The following RBMS3 variants were observed in gnomAD, a reference collection of about 807,000 sequenced individuals.
RBMS3 encodes the protein RNA-binding motif, single-stranded-interacting protein 3.
RBMS3 carries 27 observed loss-of-function variants against 66.8 expected under a neutral mutation model. The ratio of observed to expected loss-of-function variants is 0.40; its 90% confidence interval spans 0.30 to 0.56. The LOEUF (loss-of-function observed/expected upper bound fraction) is 0.56, where lower values mean the gene tolerates loss of function less well. Ranked by LOEUF, RBMS3 falls within the 20% of genes least tolerant of loss-of-function variation. The probability of loss-of-function intolerance (pLI) is 0.40; values close to 1 mark genes in which losing one functional copy is unlikely to be tolerated. For synonymous variants in RBMS3, 188 were observed against 183.0 expected (o/e 1.03, Z -0.22); for missense variants, 513 against 549.5 (o/e 0.93, Z 0.66).
At chr3:29,746,435 G>C (rs2054894038) in intron 5 of RBMS3, among the ~76,000 whole-genome samples, 1 of 152,188 alleles carries the variant, frequency 6.6e-6, no homozygotes, top group African/African-American at 2.4e-5. Flanking sequence ...GGTTACAACT[G>C]TGTTTTCTGA....
chr3:29,486,912 G>C (rs1480437918), intron 2 of RBMS3, among the ~76,000 whole-genome samples: 2 of 152,024 alleles, frequency 1.3e-5, no homozygotes, highest in East Asian at 3.9e-4. Context: ...AGTTATACCT[G>C]ATCTAATTTT....
At chr3:29,908,262 C>A (rs1053262372) in intron 10 of RBMS3, among the ~76,000 whole-genome samples, 6 of 143,822 alleles carry the variant, frequency 4.2e-5, no homozygotes, top group Non-Finnish European at 5.9e-5. Flanking sequence ...AAAAAAAAAA[C>A]AAACAAACAG....
In RBMS3 at chr3:29,379,721, A is replaced by G. The variant is rs1575662045; in HGVS notation, c.76-55022A>G. 3.3e-5 allele frequency among the ~76,000 whole-genome samples: 5 copies of G among 152,340 alleles called. No homozygotes were observed. In the South Asian group the frequency reaches 1.0e-3, roughly 32 times the overall value. On this transcript the variant is annotated intron_variant, in intron 1 of 14. Transcript: ENST00000383767. ...GTGGGGACACAGCGAAGCTATGTCA[A>G]CCTCATTGACTGAACGTATTTGCTA...
At chr3:29,827,075 G>A (rs1251684020) in intron 6 of RBMS3, among the ~76,000 whole-genome samples, 1 of 152,094 alleles carries the variant, frequency 6.6e-6, no homozygotes, top group Non-Finnish European at 1.5e-5. Flanking sequence ...ATTCCAGCAA[G>A]TTAACTATTG....
At position 30,009,642 on chromosome 3, in the gene RBMS3, T is replaced by G. The variant is rs1038206199; in HGVS notation, c.*5780T>G. On this transcript the variant is annotated 3_prime_UTR_variant, in exon 15 of 15. Coordinates refer to ENST00000383767, the MANE Select transcript of RBMS3 (RefSeq NM_001003793.3). ...AGTATAACGGTAGCTCTTGGTACAG[T>G]CATATTCATATTTTTAAATCTTTCT... The G allele has an allele frequency of 3.3e-5, 5 of 152,148 alleles. No homozygotes were observed. Among genetic ancestry groups the G allele is most frequent in the African/African-American group, 1.2e-4 (5 of 41,434 alleles). 9.4% of individuals were successfully genotyped at this position (152,148 alleles called of 1,614,324 possible). A position where few individuals can be genotyped will look rare whatever the true frequency, so the allele number is the denominator to read the frequency against.
At chr3:29,368,330 C>T (rs1246622267) in intron 1 of RBMS3, among the ~76,000 whole-genome samples, 1 of 152,066 alleles carries the variant, frequency 6.6e-6, no homozygotes, top group Non-Finnish European at 1.5e-5. Flanking sequence ...ATGAAATTGT[C>T]CTTACTGAGA....
intron 10 of RBMS3, among the ~76,000 whole-genome samples, chr3:29,921,581 G>C (rs2060782473): frequency 6.6e-6 from 1 of 152,070 alleles, no homozygotes; most frequent in Non-Finnish European, 1.5e-5. Flanking sequence ...CCAGTGAGTT[G>C]ACAACTGGCC....
chr3:29,357,554 G>GTA (rs2037299278), intron 1 of RBMS3, among the ~76,000 whole-genome samples: 1 of 152,068 alleles, frequency 6.6e-6, no homozygotes, highest in Admixed American at 6.6e-5. Flanking sequence ...ATTCCTTTGG[G>GTA]TATATACCCA....
intron 3 of RBMS3, among the ~76,000 whole-genome samples, chr3:29,518,829 AT>A (rs1473230983): frequency 6.6e-6 from 1 of 151,492 alleles, no homozygotes; most frequent in Non-Finnish European, 1.5e-5. Context: ...CTTATAAAGA[AT>A]TAATTATGAT....
chr3:29,840,325 G>A (rs541066217), intron 6 of RBMS3, among the ~76,000 whole-genome samples: 1 of 151,898 alleles, frequency 6.6e-6, no homozygotes, highest in Non-Finnish European at 1.5e-5. Flanking sequence ...GACAATAAAA[G>A]CATTGAAAAT....
chr3:29,673,408 T>A (rs1413617949), intron 4 of RBMS3, among the ~76,000 whole-genome samples: 9 of 146,600 alleles, frequency 6.1e-5, no homozygotes, highest in Admixed American at 6.1e-4. Flanking sequence ...AGAGCAGAAC[T>A]GAAGGAAATA....
chr3:29,569,532 T>C (rs1482997960), intron 3 of RBMS3, among the ~76,000 whole-genome samples: 1 of 152,150 alleles, frequency 6.6e-6, no homozygotes, highest in African/African-American at 2.4e-5. Flanking sequence ...AGATCTCAAA[T>C]TTTGTCTCAT....
intron 2 of RBMS3, among the ~76,000 whole-genome samples, chr3:29,438,276 C>T (rs1575815044): frequency 6.6e-6 from 1 of 151,804 alleles, no homozygotes; most frequent in Non-Finnish European, 1.5e-5. Flanking sequence ...GTTAATATTC[C>T]TTATAGGAAA....
chr3:29,780,561 G>T (rs2056595163), intron 6 of RBMS3, among the ~76,000 whole-genome samples: 2 of 151,640 alleles, frequency 1.3e-5, no homozygotes, highest in South Asian at 4.1e-4. Flanking sequence ...TGTATCTTTT[G>T]CTTTTTCTCT....
At chr3:29,445,587 TA>T (rs1290692746) in intron 2 of RBMS3, among the ~76,000 whole-genome samples, 1 of 152,062 alleles carries the variant, frequency 6.6e-6, no homozygotes, top group East Asian at 1.9e-4. Context: ...CTTTGACTTT[TA>T]GGGGCACACA....
intron 5 of RBMS3, among the ~76,000 whole-genome samples, chr3:29,759,094 CTGCA>C (rs906804383): frequency 2.0e-5 from 3 of 152,102 alleles, no homozygotes; most frequent in Non-Finnish European, 2.9e-5. Context: ...GTTTCTACCT[CTGCA>C]TGTTAAGTCT....
At chr3:29,878,754 A>C (rs1025455098) in intron 7 of RBMS3, among the ~76,000 whole-genome samples, 1 of 152,184 alleles carries the variant, frequency 6.6e-6, no homozygotes, top group Non-Finnish European at 1.5e-5. Context: ...TAGTATTACA[A>C]AGAACTTTTA....
At chr3:29,709,242 G>C (rs1019841742) in intron 4 of RBMS3, among the ~76,000 whole-genome samples, 3 of 152,108 alleles carry the variant, frequency 2.0e-5, no homozygotes, top group Admixed American at 2.0e-4. Flanking sequence ...TAGAATTCTT[G>C]TACTTGATTG....
At chr3:29,457,486 C>A (rs568722904) in intron 2 of RBMS3, among the ~76,000 whole-genome samples, 1 of 152,266 alleles carries the variant, frequency 6.6e-6, no homozygotes, top group East Asian at 1.9e-4. Flanking sequence ...CTTTGGGAGG[C>A]CGAGGCAGGT....
Sources: allele counts gnomAD v4.1 joint callset (sites outside exome capture counted in the v4.1 genomes callset), GRCh38; gene constraint gnomAD v4.1.1; transcripts MANE v1.5; gene names NCBI Gene and HGNC (gene_info 2026-07-23, HGNC 2026-07-21).